PRSS23: variants seen among roughly 807,000 people sequenced by gnomAD.
The protein encoded by PRSS23 is protease, serine 23.
PRSS23 carries 25 observed loss-of-function variants against 34.7 expected under a neutral mutation model. That is an observed-to-expected ratio of 0.72 (90% CI 0.53 to 1.01). The LOEUF (loss-of-function observed/expected upper bound fraction) is 1.01. Among genes scored for constraint, PRSS23 ranks in the 50% least tolerant of loss-of-function variants. PRSS23 has a pLI of 0.00. For synonymous variants in PRSS23, 176 were observed against 186.6 expected (o/e 0.94, Z 0.46); for missense variants, 445 against 475.6 (o/e 0.94, Z 0.60).
exon 2 of PRSS23, chr11:86,823,587 CGAG>C: frequency 1.4e-6 from 1 of 702,510 alleles, no homozygotes; most frequent in Non-Finnish European, 2.6e-6. Context: ...ACAGAAGAGT[CGAG>C]GAGGTAAGTT....
At chr11:86,830,295 C>T (rs1331522723) in intron 2 of PRSS23, among the ~76,000 whole-genome samples, 1 of 152,214 alleles carries the variant, frequency 6.6e-6, no homozygotes, top group Non-Finnish European at 1.5e-5. Flanking sequence ...CCCTCCGAGC[C>T]AGGTGCGGGA....
At chr11:86,913,095 T>TA (rs1158585469) in intron 2 of PRSS23, among the ~76,000 whole-genome samples, 1 of 152,170 alleles carries the variant, frequency 6.6e-6, no homozygotes, top group Non-Finnish European at 1.5e-5. Flanking sequence ...GTTTTATACA[T>TA]AAAATTTTGG....
chr11:86,912,617 A>G (rs1173317476), intron 2 of PRSS23, among the ~76,000 whole-genome samples: 2 of 152,112 alleles, frequency 1.3e-5, no homozygotes, highest in Admixed American at 6.5e-5. Flanking sequence ...ATATGATTCA[A>G]TTCCATTTGG....
chr11:86,929,598 G>A (rs892126008), intron 2 of PRSS23, among the ~76,000 whole-genome samples: 1 of 152,222 alleles, frequency 6.6e-6, no homozygotes, highest in Admixed American at 6.5e-5. Context: ...AGCCAAGATT[G>A]TGCCTGGATG....
chr11:86,797,353 T>G (rs1251771034), upstream of PRSS23, among the ~76,000 whole-genome samples: 1 of 152,228 alleles, frequency 6.6e-6, no homozygotes. Flanking sequence ...TACAGTTCTA[T>G]CATCGTCCTT....
chr11:86,798,645 T>G (rs1947998155), upstream of PRSS23, among the ~76,000 whole-genome samples: 2 of 152,192 alleles, frequency 1.3e-5, no homozygotes, highest in African/African-American at 4.8e-5. Context: ...TCTGTTTTGG[T>G]TTTATTTGCG....
intron 2 of PRSS23, among the ~76,000 whole-genome samples, chr11:86,841,471 A>C (rs1462099109): frequency 6.6e-6 from 1 of 152,116 alleles, no homozygotes; most frequent in Non-Finnish European, 1.5e-5. Context: ...GACACAAAAA[A>C]CACTTCAAAA....
intron 2 of PRSS23, among the ~76,000 whole-genome samples, chr11:86,867,856 CAG>C (rs1316921228): frequency 4.7e-5 from 6 of 126,720 alleles, no homozygotes; most frequent in Admixed American, 4.2e-4. Context: ...CAGCCAGTGA[CAG>C]AGTGAGACCC....
intron 2 of PRSS23, among the ~76,000 whole-genome samples, chr11:86,826,787 G>C (rs1346199245): frequency 6.6e-6 from 1 of 152,134 alleles, no homozygotes; most frequent in East Asian, 1.9e-4. Flanking sequence ...TTATATGCTG[G>C]ATTACATTTA....
At chr11:86,839,945 A>G (rs1948435308) in intron 2 of PRSS23, among the ~76,000 whole-genome samples, 2 of 151,738 alleles carry the variant, frequency 1.3e-5, no homozygotes, top group Non-Finnish European at 2.9e-5. Context: ...AGAGCTCCTG[A>G]AGGAAGCACT....
At chr11:86,936,454 A>G (rs1481990141) in intron 2 of PRSS23, 1 of 152,176 alleles carries the variant, frequency 6.6e-6, no homozygotes, top group Non-Finnish European at 1.5e-5. Flanking sequence ...TTTGGTAGAG[A>G]CAAGGTTTCT....
chr11:86,817,983 G>C (rs560980169), intron 1 of PRSS23, among the ~76,000 whole-genome samples: 1 of 152,160 alleles, frequency 6.6e-6, no homozygotes, highest in Non-Finnish European at 1.5e-5. Context: ...TAAGACTACC[G>C]TGAGTGGAGC....
chr11:86,900,781 C>CTCTCTCTTTTT lies in PRSS23; in HGVS notation c.207-50434_207-50433insCTCTCTTTTTT, dbSNP rs775258446. Reference sequence around the variant, plus strand: ...AATTTCAGCATTATTATCTCTCTCTCTTTTTTTTTTTTTTTTTTTTTGAGA... The same window carrying CTCTCTCTTTTT: ...AATTTCAGCATTATTATCTCTCTCTCTCTCTCTTTTTTTTTTTTTTTTTTTTTTTTTTGAGA... On this transcript the variant is annotated intron_variant, in intron 2 of 2. Transcript: ENST00000533902. Among the ~76,000 whole-genome samples, 239 of 94,036 alleles carry CTCTCTCTTTTT rather than the reference C, an allele frequency of 2.5e-3. 6 individuals carry two copies. Among genetic ancestry groups the CTCTCTCTTTTT allele is most frequent in the African/African-American group, 6.7e-3 (150 of 22,452 alleles). The allele number at this position is 94,036 out of a possible 152,430, so 61.7% of individuals were successfully genotyped here. A position where few individuals can be genotyped will look rare whatever the true frequency, so the allele number is the denominator to read the frequency against.
At chr11:86,952,063 G>T in exon 3 of PRSS23, 1 of 1,614,082 alleles carries the variant, frequency 6.2e-7, no homozygotes, top group Non-Finnish European at 8.5e-7. Context: ...CAGTGGAGAT[G>T]AAACACAGGC....
At chr11:86,912,102 G>A (rs1344217729) in intron 2 of PRSS23, 1 of 152,154 alleles carries the variant, frequency 6.6e-6, no homozygotes, top group African/African-American at 2.4e-5. Flanking sequence ...AAATGTTTTT[G>A]TATATGCATC....
intron 2 of PRSS23, among the ~76,000 whole-genome samples, chr11:86,863,276 T>A (rs1301216613): frequency 6.6e-6 from 1 of 152,236 alleles, no homozygotes; most frequent in Non-Finnish European, 1.5e-5. Flanking sequence ...ATATTACTCC[T>A]AATATCATAT....
In PRSS23 at chr11:86,913,400, G is replaced by GT. The variant is rs1227072272; in HGVS notation, c.207-37803dup. Among the ~76,000 whole-genome samples, 541 of 136,188 alleles carry GT rather than the reference G, an allele frequency of 4.0e-3. 8 individuals are homozygous for GT. The highest frequency in any genetic ancestry group is 6.6e-3 in the African/African-American group (239 of 36,396). The allele number at this position is 136,188 out of a possible 152,430, so 89.3% of individuals were successfully genotyped here. A position where few individuals can be genotyped will look rare whatever the true frequency, so the allele number is the denominator to read the frequency against. ...CCATAGCCTTCAGGTTTGTATTGGT[G>GT]TTTTTTTTTTTTTCAATAGTCTACT... On this transcript the variant is annotated intron_variant, in intron 2 of 2. Transcript: ENST00000533902.
intron 2 of PRSS23, chr11:86,933,858 A>G (rs1949142746): frequency 6.6e-6 from 1 of 152,212 alleles, no homozygotes; most frequent in African/African-American, 2.4e-5. Context: ...TGTTGTATCC[A>G]TGATTTGGAA....
intron 2 of PRSS23, among the ~76,000 whole-genome samples, chr11:86,884,052 A>G (rs1465062079): frequency 6.6e-6 from 1 of 152,164 alleles, no homozygotes; most frequent in Non-Finnish European, 1.5e-5. Context: ...ATCCCATATC[A>G]TTAATATTTA....
Sources: gnomAD v4.1 joint callset for allele counts (sites outside exome capture counted in the v4.1 genomes callset) on GRCh38, gnomAD v4.1.1 for gene constraint, MANE v1.5 for transcripts, NCBI Gene and HGNC (gene_info 2026-07-23, HGNC 2026-07-21) for gene names.